CDH2: variants seen among roughly 807,000 people sequenced by gnomAD.
CDH2 encodes the protein cadherin-2.
CDH2 carries 17 observed loss-of-function variants against 92.0 expected under a neutral mutation model. That is an observed-to-expected ratio of 0.18 (90% CI 0.13 to 0.28). CDH2 has a LOEUF of 0.28. Among genes scored for constraint, CDH2 ranks in the 10% least tolerant of loss-of-function variants. CDH2 has a pLI of 1.00. For synonymous variants in CDH2, 419 were observed against 415.9 expected (o/e 1.01, Z -0.09); for missense variants, 862 against 1,133.1 (o/e 0.76, Z 3.44).
chr18:28,025,119 G>A (rs968263891), intron 2 of CDH2, among the ~76,000 whole-genome samples: 4 of 152,108 alleles, frequency 2.6e-5, no homozygotes, highest in African/African-American at 9.7e-5. Context: ...ATTTTGTGGT[G>A]GTTGCTCCAT....
intron 7 of CDH2, among the ~76,000 whole-genome samples, chr18:27,999,547 T>C (rs2012696196): frequency 6.6e-6 from 1 of 152,084 alleles, no homozygotes; most frequent in African/African-American, 2.4e-5. Context: ...TGATAGATAG[T>C]GCTCAACCAG....
intron 2 of CDH2, among the ~76,000 whole-genome samples, chr18:28,025,282 C>T (rs2013520191): frequency 6.6e-6 from 1 of 152,120 alleles, no homozygotes; most frequent in Admixed American, 6.6e-5. Flanking sequence ...CTTTGGCAGG[C>T]TGAGGCAGGA....
chr18:28,101,791 A>G (rs2015231378), intron 2 of CDH2, among the ~76,000 whole-genome samples: 1 of 152,190 alleles, frequency 6.6e-6, no homozygotes, highest in African/African-American at 2.4e-5. Flanking sequence ...AAGGGCTTCT[A>G]ATTTCCTTGA....
intron 2 of CDH2, among the ~76,000 whole-genome samples, chr18:28,094,961 CAT>C (rs886841309): frequency 6.6e-6 from 1 of 152,016 alleles, no homozygotes; most frequent in African/African-American, 2.4e-5. Context: ...GAATTTATAA[CAT>C]GTTATATGAC....
chr18:28,016,083 A>G (rs1255448101), intron 2 of CDH2, among the ~76,000 whole-genome samples: 1 of 152,174 alleles, frequency 6.6e-6, no homozygotes, highest in Non-Finnish European at 1.5e-5. Context: ...TGCCTTTCAC[A>G]AGATTTCGGC....
intron 2 of CDH2, among the ~76,000 whole-genome samples, chr18:28,092,519 T>C (rs562482683): frequency 9.7e-4 from 146 of 149,966 alleles, no homozygotes; most frequent in African/African-American, 3.4e-3. Context: ...TTTCAAGGAA[T>C]AGGAATGAAA....
chr18:27,935,930 T>C (rs931566529), intron 6 of CDH2, among the ~76,000 whole-genome samples: 4 of 152,256 alleles, frequency 2.6e-5, no homozygotes, highest in Non-Finnish European at 5.9e-5. Flanking sequence ...AAAGCCCTTT[T>C]AAGAAGGCTT....
At chr18:28,113,830 TAATTTATA>T (rs1443703077) in intron 2 of CDH2, among the ~76,000 whole-genome samples, 2 of 152,084 alleles carry the variant, frequency 1.3e-5, no homozygotes, top group Admixed American at 6.6e-5. Context: ...AAAGGCTGAG[TAATTTATA>T]AAAGACTGAG....
chr18:28,042,646 AAT>A (rs778122168), intron 2 of CDH2, among the ~76,000 whole-genome samples: 2 of 152,202 alleles, frequency 1.3e-5, no homozygotes, highest in Non-Finnish European at 2.9e-5. Flanking sequence ...AAACCATAAA[AAT>A]ATACACACAC....
At position 28,104,335 on chromosome 18, in the gene CDH2, T is replaced by A. The variant is rs73400101; in HGVS notation, c.172+43338A>T. On this transcript the variant is annotated intron_variant, in intron 2 of 15. Transcript: ENST00000269141. ...AAAGTGCACAGGTATTTGTTCTTTA[T>A]CATAAAATTTGATAACAGGAAAATG... 4.0e-3 allele frequency among the ~76,000 whole-genome samples: 606 copies of A among 152,320 alleles called. 5 individuals carry two copies. Among genetic ancestry groups the A allele is most frequent in the African/African-American group, 0.014 (580 of 41,574 alleles).
rs188233668 is a variant in CDH2 at position 28,075,038 on chromosome 18, G to C, written c.173-61129C>G. Among the ~76,000 whole-genome samples, 15 of 152,238 alleles carry C rather than the reference G, an allele frequency of 9.9e-5. No homozygotes were observed. The East Asian group carries it at 2.3e-3, about 24-fold the overall frequency. ...TCTTTGGGCTTCAATTTCCTCATCT[G>C]TTAACAGAGTATCCTATTAATAGAG... On this transcript the variant is annotated intron_variant, in intron 2 of 15. Transcript: ENST00000269141.
At chr18:28,114,105 G>A (rs568615531) in intron 2 of CDH2, among the ~76,000 whole-genome samples, 5 of 151,952 alleles carry the variant, frequency 3.3e-5, no homozygotes, top group Non-Finnish European at 5.9e-5. Flanking sequence ...ACAAAATTAC[G>A]ACTATATAGG....
intron 2 of CDH2, among the ~76,000 whole-genome samples, chr18:28,100,995 T>C (rs973380606): frequency 2.0e-5 from 3 of 152,166 alleles, no homozygotes; most frequent in Admixed American, 2.0e-4. Context: ...TCTGCAAAAC[T>C]TTTAAACAAT....
chr18:28,061,778 G>T (rs2014407292), intron 2 of CDH2, among the ~76,000 whole-genome samples: 1 of 152,200 alleles, frequency 6.6e-6, no homozygotes, highest in Non-Finnish European at 1.5e-5. Context: ...GCGAAGGAAT[G>T]TCTTACATGG....
chr18:28,134,717 A>G (rs79544242), intron 2 of CDH2, among the ~76,000 whole-genome samples: 1 of 152,174 alleles, frequency 6.6e-6, no homozygotes, highest in African/African-American at 2.4e-5. Context: ...TCTCAAAAAA[A>G]CAAACAAACA....
intron 2 of CDH2, among the ~76,000 whole-genome samples, chr18:28,035,141 G>C (rs1213126500): frequency 6.6e-6 from 1 of 151,872 alleles, no homozygotes; most frequent in African/African-American, 2.4e-5. Flanking sequence ...ACCAGAAAAG[G>C]CTCTTCTTTA....
intron 2 of CDH2, among the ~76,000 whole-genome samples, chr18:28,138,078 T>C (rs2015894315): frequency 6.6e-6 from 1 of 151,988 alleles, no homozygotes; most frequent in Non-Finnish European, 1.5e-5. Context: ...CTCCATCAAT[T>C]TGACAGCTTA....
intron 2 of CDH2, among the ~76,000 whole-genome samples, chr18:28,017,503 T>C (rs1311550730): frequency 2.0e-5 from 3 of 152,178 alleles, no homozygotes; most frequent in African/African-American, 7.2e-5. Context: ...TATTCTCTCT[T>C]CTTTTCTTGG....
Position 28,164,835 on chromosome 18 carries a change from C to T in CDH2, c.60+12128G>A, listed in dbSNP as rs527315338. On this transcript the variant is annotated intron_variant, in intron 1 of 15. Transcript: ENST00000269141. ...AATCACTGGCAGAATTAACACTCTA[C>T]ATACACTAATTCCTTCCCCTAATTA... 4.8e-4 allele frequency among the ~76,000 whole-genome samples: 73 copies of T among 152,304 alleles called. 1 individual carries two copies. Among genetic ancestry groups the T allele is most frequent in the African/African-American group, 1.7e-3 (70 of 41,562 alleles).
Sources: gnomAD v4.1 joint callset for allele counts (sites outside exome capture counted in the v4.1 genomes callset) on GRCh38, gnomAD v4.1.1 for gene constraint, MANE v1.5 for transcripts, NCBI Gene and HGNC (gene_info 2026-07-23, HGNC 2026-07-21) for gene names.